DHX15: variants seen among roughly 807,000 people sequenced by gnomAD.
The protein encoded by DHX15 is ATP-dependent RNA helicase DHX15.
In DHX15, 11 loss-of-function variants were observed where a neutral mutation model predicts 94.4. The observed-to-expected ratio is 0.12, with a 90% CI of 0.07 to 0.19. DHX15 has a LOEUF of 0.19. Ranked by LOEUF, DHX15 falls within the 10% of genes least tolerant of loss-of-function variation. DHX15 has a pLI of 1.00. For missense variants in DHX15, 304 were observed against 988.5 expected, an observed-to-expected ratio of 0.31 and a Z score of 9.29; for synonymous variants, 338 against 329.9, an observed-to-expected ratio of 1.02 and a Z score of -0.27.
chr4:24,578,034 T>C (rs1020973147), intron 1 of DHX15, among the ~76,000 whole-genome samples: 1 of 152,186 alleles, frequency 6.6e-6, no homozygotes, highest in African/African-American at 2.4e-5. Context: ...GGAAAAGCCA[T>C]ATATATGCAT....
chr4:24,569,548 C>T lies in DHX15; in HGVS notation c.701+1106G>A, dbSNP rs529880334. ...CGGAGGTTGCAGAGAGCCGAGATGG[C>T]GCCACTGCACTCCAGCCTGGGCAAC... On this transcript the variant is annotated intron_variant, in intron 3 of 13. Transcript: ENST00000336812. Among the ~76,000 whole-genome samples, 5 of 139,680 alleles carry T rather than the reference C, an allele frequency of 3.6e-5. No homozygotes were observed. In the South Asian group the frequency reaches 7.2e-4, roughly 20 times the overall value. 91.6% of individuals were successfully genotyped at this position (139,680 alleles called of 152,430 possible). A position where few individuals can be genotyped will look rare whatever the true frequency, so the allele number is the denominator to read the frequency against.
chr4:24,576,105 G>A, intron 2 of DHX15, 138 bp downstream of exon 2: 3 of 672,072 alleles, frequency 4.5e-6, no homozygotes, highest in Middle Eastern at 3.6e-4. Flanking sequence ...AATTCAGAGT[G>A]CCAATTAAAC....
rs548752265 is a variant in DHX15 at position 24,541,785 on chromosome 4, G to T, written c.1485+88C>A. 1.4e-5 allele frequency: 19 copies of T among 1,337,308 alleles called. No individual in the cohort carries two copies. In the African/African-American group the frequency reaches 2.7e-4, roughly 19 times the overall value. 82.8% of individuals were successfully genotyped at this position (1,337,308 alleles called of 1,614,324 possible). A position where few individuals can be genotyped will look rare whatever the true frequency, so the allele number is the denominator to read the frequency against. On this transcript the variant is annotated intron_variant, in intron 8 of 13. Coordinates refer to ENST00000336812, the MANE Select transcript of DHX15 (RefSeq NM_001358.3). ...AGGAGCTTTTAATCCTAAAAGGCAA[G>T]ATTAAGTAAATAAGGCAATGTTCTT... is the stretch of plus-strand genomic sequence containing the variant.
intron 6 of DHX15, among the ~76,000 whole-genome samples, chr4:24,547,410 G>A (rs1324014134): frequency 6.6e-6 from 1 of 152,080 alleles, no homozygotes; most frequent in African/African-American, 2.4e-5. Flanking sequence ...AACACAAAAA[G>A]CAAAACAGAA....
At position 24,537,906 on chromosome 4, in the gene DHX15, AC is replaced by A. The variant is rs1327912352; in HGVS notation, c.1787-734del. ...GTCCCAAATTTAAAAAAGAAAAAAAACAAACTTATTTGAATCAAAACCTCAA... is the reference window on the plus strand; with the variant it reads ...GTCCCAAATTTAAAAAAGAAAAAAAAAAACTTATTTGAATCAAAACCTCAA... On this transcript the variant is annotated intron_variant, in intron 10 of 13. Coordinates refer to ENST00000336812, the MANE Select transcript of DHX15 (RefSeq NM_001358.3). The surrounding 1 kb of genome is among the most constrained non-coding windows in gnomAD (Gnocchi z 4.7). The A allele has an allele frequency of 1.1e-4, 16 of 152,228 alleles. No individual in the cohort carries two copies. Among genetic ancestry groups the A allele is most frequent in the African/African-American group, 3.9e-4 (16 of 41,464 alleles). The allele number at this position is 152,228 out of a possible 1,614,324, so 9.4% of individuals were successfully genotyped here.
chr4:24,556,663 A>G (rs954898232), intron 3 of DHX15, among the ~76,000 whole-genome samples: 2 of 152,240 alleles, frequency 1.3e-5, no homozygotes, highest in African/African-American at 4.8e-5. Flanking sequence ...AAGACATGAT[A>G]TGACCAATTA....
Position 24,533,066 on chromosome 4 carries a change from G to C in DHX15, c.1910-12C>G. Reference sequence around the variant, plus strand: ...AACCGATTCATGATCTAAAAAGGTAGAAGGCGGGGAGAAAAGAAGGCACCA... The same window carrying C: ...AACCGATTCATGATCTAAAAAGGTACAAGGCGGGGAGAAAAGAAGGCACCA... On this transcript the variant is annotated splice_polypyrimidine_tract_variant and intron_variant, in intron 11 of 13. Coordinates refer to ENST00000336812, the MANE Select transcript of DHX15 (RefSeq NM_001358.3). The C allele has an allele frequency of 6.2e-7, 1 of 1,611,658 alleles. No individual in the cohort carries two copies. Among genetic ancestry groups the C allele is most frequent in the Non-Finnish European group, 8.5e-7 (1 of 1,177,784 alleles).
intron 6 of DHX15, 92 bp downstream of exon 6, chr4:24,548,763 C>A: frequency 8.4e-7 from 1 of 1,189,884 alleles, no homozygotes; most frequent in Non-Finnish European, 1.1e-6. Context: ...AGATCACAAT[C>A]ACCCATAACT....
intron 2 of DHX15, among the ~76,000 whole-genome samples, chr4:24,572,465 G>A (rs527558341): frequency 3.2e-4 from 48 of 152,098 alleles, no homozygotes; most frequent in African/African-American, 9.9e-4. Flanking sequence ...AATTCACTCC[G>A]CTAAAATCAA....
At chr4:24,529,368 G>GT in intron 13 of DHX15, among the ~76,000 whole-genome samples, 1 of 152,228 alleles carries the variant, frequency 6.6e-6, no homozygotes, top group East Asian at 1.9e-4. Context: ...CTATTCAAAT[G>GT]TAACTTCACA....
chr4:24,558,708 ACTG>A (rs1170480431), intron 3 of DHX15, among the ~76,000 whole-genome samples: 8 of 152,148 alleles, frequency 5.3e-5, no homozygotes, highest in South Asian at 2.1e-4. Flanking sequence ...AATATGGGAT[ACTG>A]CTGTTTGTAC....
At chr4:24,531,756 A>G (rs559262136) in intron 12 of DHX15, among the ~76,000 whole-genome samples, 1 of 152,174 alleles carries the variant, frequency 6.6e-6, no homozygotes. Flanking sequence ...GAACATGTCA[A>G]AGAGAAGCCA....
intron 2 of DHX15, 136 bp downstream of exon 2, chr4:24,576,107 C>A: frequency 1.5e-6 from 1 of 681,816 alleles, no homozygotes; most frequent in East Asian, 2.7e-5. Flanking sequence ...TTCAGAGTGC[C>A]AATTAAACAT....
chr4:24,574,399 T>A (rs1181068090), intron 2 of DHX15, among the ~76,000 whole-genome samples: 1 of 152,068 alleles, frequency 6.6e-6, no homozygotes, highest in Non-Finnish European at 1.5e-5. Flanking sequence ...ATCCCCCAGA[T>A]GTGCTGCAAT....
chr4:24,570,616 C>G (rs1722101380), intron 3 of DHX15, 38 bp downstream of exon 3: 1 of 1,588,658 alleles, frequency 6.3e-7, no homozygotes, highest in Non-Finnish European at 8.6e-7. Context: ...AAATGGCAAG[C>G]AGAGGACTAA....
At position 24,560,797 on chromosome 4, in the gene DHX15, C is replaced by T. The variant is rs369065606; in HGVS notation, c.702-4387G>A. Among the ~76,000 whole-genome samples, 6 of 152,228 alleles carry T rather than the reference C, an allele frequency of 3.9e-5. No homozygotes were observed. The South Asian group carries it at 1.2e-3, about 32-fold the overall frequency. On this transcript the variant is annotated intron_variant, in intron 3 of 13. Transcript: ENST00000336812. The stretch of plus-strand genomic sequence containing the variant: ...CTGAGAAGATGAAAAAAGCACCAGT[C>T]TCAGATTCCAAAAAGAAATACAAAT...
chr4:24,538,664 A>G (rs1368601524), intron 10 of DHX15: 1 of 152,130 alleles, frequency 6.6e-6, no homozygotes, highest in East Asian at 1.9e-4. Context: ...AAAACAGTCC[A>G]TTTACATTGC....
chr4:24,572,915 T>C (rs1466505525), intron 2 of DHX15, among the ~76,000 whole-genome samples: 1 of 152,102 alleles, frequency 6.6e-6, no homozygotes, highest in Non-Finnish European at 1.5e-5. Flanking sequence ...CCGGCTTTTT[T>C]GTTTTTTTCT....
At chr4:24,557,170 T>C (rs1721757332) in intron 3 of DHX15, among the ~76,000 whole-genome samples, 2 of 152,096 alleles carry the variant, frequency 1.3e-5, no homozygotes, top group South Asian at 4.1e-4. Flanking sequence ...GGCAATGAGA[T>C]CAAGGGTCAA....
Sources: gnomAD v4.1 joint callset for allele counts (sites outside exome capture counted in the v4.1 genomes callset) on GRCh38, gnomAD v4.1.1 for gene constraint, Gnocchi (gnomAD v3.1) non-coding constraint, MANE v1.5 for transcripts, NCBI Gene and HGNC (gene_info 2026-07-23, HGNC 2026-07-21) for gene names.